Variants in PIK3R6 observed in about 807,000 individuals in gnomAD.
PIK3R6 encodes phosphoinositide 3-kinase regulatory subunit 6.
Under a neutral mutation model 84.9 loss-of-function variants are expected in PIK3R6, and 91 were observed. That is an observed-to-expected ratio of 1.07 (90% CI 0.90 to 1.28). The LOEUF (loss-of-function observed/expected upper bound fraction) is 1.28, where lower values mean the gene tolerates loss of function less well. Ranked by LOEUF, PIK3R6 falls within the 50% of genes most tolerant of loss-of-function variation. PIK3R6 has a pLI of 0.00. For synonymous variants in PIK3R6, 416 were observed against 411.4 expected (o/e 1.01, Z -0.13); for missense variants, 996 against 985.1 (o/e 1.01, Z -0.15).
intron 18 of PIK3R6, among the ~76,000 whole-genome samples, chr17:8,817,760 C>T (rs1304780780): frequency 1.3e-5 from 2 of 152,160 alleles, no homozygotes; most frequent in Non-Finnish European, 2.9e-5. Flanking sequence ...CACAGCAGGA[C>T]ATGTGTAACC....
chr17:8,849,775 C>G lies in PIK3R6; in HGVS notation c.13+7G>C, dbSNP rs1005078144. 4 of 1,611,916 alleles carry G rather than the reference C, an allele frequency of 2.5e-6. No homozygotes were observed. Among genetic ancestry groups the G allele is most frequent in the Non-Finnish European group, 2.5e-6 (3 of 1,178,826 alleles). ...TCACTAGACCCCTTTCCCCCCACCACACTGACCTGAGCTCTCCATGGGAGC... is the reference window on the plus strand; with the variant it reads ...TCACTAGACCCCTTTCCCCCCACCAGACTGACCTGAGCTCTCCATGGGAGC... On this transcript the variant is annotated splice_region_variant and intron_variant, in intron 2 of 19. Transcript: ENST00000619866.
At chr17:8,828,519 T>G (rs1366184609) in intron 11 of PIK3R6, 48 bp downstream of exon 11, 1 of 1,586,630 alleles carries the variant, frequency 6.3e-7, no homozygotes, top group Non-Finnish European at 8.6e-7. Context: ...CAGGCCCACC[T>G]GTGCCCCTGA....
intron 13 of PIK3R6, among the ~76,000 whole-genome samples, chr17:8,824,599 G>T (rs115600773): frequency 6.6e-6 from 1 of 152,144 alleles, no homozygotes; most frequent in Non-Finnish European, 1.5e-5. Flanking sequence ...TGTGGAAACC[G>T]CTTTTGGAGT....
In PIK3R6 at chr17:8,867,594, G is replaced by C. The variant is rs780318508; in HGVS notation, c.-157C>G. ...GCCAACTCCCCACGGTCCTGAGCGA[G>C]GTCCCCAGTCCCAGAGAAGCAGATG... is the stretch of plus-strand genomic sequence containing the variant. On this transcript the variant is annotated 5_prime_UTR_variant, in exon 1 of 20. Transcript: ENST00000619866. 9.7e-6 allele frequency: 5 copies of C among 512,840 alleles called. No homozygotes were observed. The highest frequency in any genetic ancestry group is 3.9e-5 in the African/African-American group (2 of 51,830). The allele number at this position is 512,840 out of a possible 1,614,324, so 31.8% of individuals were successfully genotyped here.
At chr17:8,828,419 C>T (rs2088024418) in intron 11 of PIK3R6, 148 bp downstream of exon 11, 9 of 1,059,212 alleles carry the variant, frequency 8.5e-6, no homozygotes, top group South Asian at 1.6e-5. Context: ...GTGACGGCTG[C>T]GGGCACTGTG....
chr17:8,845,797 A>G (rs2088801505), intron 2 of PIK3R6, among the ~76,000 whole-genome samples: 1 of 152,130 alleles, frequency 6.6e-6, no homozygotes, highest in Admixed American at 6.5e-5. Flanking sequence ...AAATACAAAA[A>G]TTAGCTAGGC....
intron 1 of PIK3R6, among the ~76,000 whole-genome samples, chr17:8,853,313 G>A (rs967188344): frequency 2.0e-5 from 3 of 151,014 alleles, no homozygotes; most frequent in Non-Finnish European, 3.0e-5. Flanking sequence ...GTGAAACCCC[G>A]TCTCTACTAA....
intron 18 of PIK3R6, among the ~76,000 whole-genome samples, chr17:8,813,159 C>A (rs969471155): frequency 4.6e-5 from 7 of 151,928 alleles, no homozygotes; most frequent in Non-Finnish European, 2.9e-5. Context: ...GGATAAATTC[C>A]ATTTATCTAG....
intron 8 of PIK3R6, among the ~76,000 whole-genome samples, chr17:8,833,256 C>T (rs1338818541): frequency 2.0e-5 from 3 of 152,236 alleles, no homozygotes; most frequent in African/African-American, 7.2e-5. Flanking sequence ...GCCCCTCACA[C>T]GCTATTATGG....
At chr17:8,822,027 T>C (rs1265332790) in intron 16 of PIK3R6, 91 bp from the exon 17 acceptor site, 2 of 976,538 alleles carry the variant, frequency 2.0e-6, no homozygotes, top group African/African-American at 1.7e-5. Context: ...CTCTCTCCCC[T>C]GTTTTCCACC....
At chr17:8,852,877 T>G (rs978312646) in intron 1 of PIK3R6, among the ~76,000 whole-genome samples, 3 of 152,166 alleles carry the variant, frequency 2.0e-5, no homozygotes, top group Non-Finnish European at 2.9e-5. Context: ...CCTTTCTGGG[T>G]GATTGCTGGA....
Position 8,819,094 on chromosome 17 carries a change from T to TGACAACC in PIK3R6, c.1983_1984insGGTTGTC (p.Lys662GlyfsTer151). ...TACTCAGTACTTACAGAGAAGGACT[T>TGACAACC]TCCCGCCAAGTTGGAGGACTTGACA... is the stretch of plus-strand genomic sequence containing the variant. On this transcript the variant is annotated frameshift_variant, in exon 18 of 20. Coordinates refer to ENST00000619866, the MANE Select transcript of PIK3R6 (RefSeq NM_001010855.4). LOFTEE classifies it high-confidence loss of function. 1.2e-6 allele frequency: 2 copies of TGACAACC among 1,601,850 alleles called. No individual in the cohort carries two copies. Among genetic ancestry groups the TGACAACC allele is most frequent in the Non-Finnish European group, 1.7e-6 (2 of 1,174,046 alleles).
At chr17:8,822,174 G>A (rs970862088) in intron 16 of PIK3R6, among the ~76,000 whole-genome samples, 1 of 151,692 alleles carries the variant, frequency 6.6e-6, no homozygotes, top group Non-Finnish European at 1.5e-5. Flanking sequence ...ACAGGCATGA[G>A]CCACGGTGCC....
chr17:8,815,692 G>A (rs1315485099), intron 18 of PIK3R6, among the ~76,000 whole-genome samples: 1 of 152,146 alleles, frequency 6.6e-6, no homozygotes, highest in East Asian at 1.9e-4. Context: ...GTGGGGTTAT[G>A]TGAAGCAGGG....
intron 16 of PIK3R6, 112 bp downstream of exon 16, chr17:8,822,475 A>T: frequency 7.8e-7 from 1 of 1,275,506 alleles, no homozygotes; most frequent in South Asian, 1.3e-5. Flanking sequence ...CAGCTTCAAG[A>T]AAAGGGGCAG....
In PIK3R6 at chr17:8,828,730, G is replaced by A; in HGVS notation, c.1150C>T (p.Pro384Ser). ...CCTGGGGGCCCGTCCCAGCTGCCAG[G>A]CATCAAGAAGTCCAGGGGCCATGCA... ...KRAWPLDFLM[P>S]GSWDGPPGLH... The change falls in exon 11 of 20, where the codon CCT (proline) becomes TCT (serine). Residue 384 changes from proline (P) to serine (S), a missense_variant. Pro to Ser is a moderately conservative substitution (Grantham distance 74). Coordinates refer to ENST00000619866, the MANE Select transcript of PIK3R6 (RefSeq NM_001010855.4). 1 of 1,608,618 alleles carries A rather than the reference G, an allele frequency of 6.2e-7. No homozygotes were observed. Among genetic ancestry groups the A allele is most frequent in the Non-Finnish European group, 8.5e-7 (1 of 1,177,536 alleles).
intron 8 of PIK3R6, among the ~76,000 whole-genome samples, chr17:8,834,826 T>C (rs1347518693): frequency 6.7e-6 from 1 of 149,826 alleles, no homozygotes; most frequent in Non-Finnish European, 1.5e-5. Flanking sequence ...ACTGGCATTA[T>C]CTTATATCTT....
intron 2 of PIK3R6, among the ~76,000 whole-genome samples, chr17:8,841,821 C>A (rs1322229052): frequency 6.6e-6 from 1 of 152,140 alleles, no homozygotes; most frequent in African/African-American, 2.4e-5. Flanking sequence ...AACCAGGTCC[C>A]CAGTTGCTGT....
chr17:8,828,856 T>C lies in PIK3R6; in HGVS notation c.1024A>G (p.Ile342Val). Residue 342 changes from isoleucine (I) to valine (V), a missense_variant, in exon 11 of 20, where the codon ATT (isoleucine) becomes GTT (valine). Coordinates refer to ENST00000619866, the MANE Select transcript of PIK3R6 (RefSeq NM_001010855.4). ...RVSVLSTDSG[I>V]ERDLPTGADE... ...GCCCCCGTGGGAAGGTCCCGCTCAA[T>C]GCCGCTGTCAGTGGACAGCACAGAA... The C allele has an allele frequency of 1.3e-6, 2 of 1,595,392 alleles. No homozygotes were observed. Among genetic ancestry groups the C allele is most frequent in the Non-Finnish European group, 1.7e-6 (2 of 1,170,522 alleles).
Sources: allele counts gnomAD v4.1 joint callset (sites outside exome capture counted in the v4.1 genomes callset), GRCh38; gene constraint gnomAD v4.1.1; transcripts MANE v1.5; gene names NCBI Gene and HGNC (gene_info 2026-07-23, HGNC 2026-07-21).